Variants in ASTN2 observed in about 807,000 individuals in gnomAD.
ASTN2 encodes astrotactin-2.
Under a neutral mutation model 139.8 loss-of-function variants are expected in ASTN2, and 54 were observed. The ratio of observed to expected loss-of-function variants is 0.39; its 90% confidence interval spans 0.31 to 0.48. The LOEUF (loss-of-function observed/expected upper bound fraction) is 0.48, where lower values mean the gene tolerates loss of function less well. ASTN2 is among the 20% of genes least tolerant of loss of function. The pLI is 0.95. For synonymous variants in ASTN2, 756 were observed against 719.5 expected (o/e 1.05, Z -0.81); for missense variants, 1,565 against 1,725.1 (o/e 0.91, Z 1.64).
intron 1 of ASTN2, among the ~76,000 whole-genome samples, chr9:117,403,812 A>G (rs1447014220): frequency 6.6e-6 from 1 of 151,934 alleles, no homozygotes; most frequent in Non-Finnish European, 1.5e-5. Flanking sequence ...TTCTGTCCCA[A>G]CTGTCCTCAA....
intron 13 of ASTN2, among the ~76,000 whole-genome samples, chr9:116,797,225 A>C (rs1830722025): frequency 6.6e-6 from 1 of 152,170 alleles, no homozygotes. Context: ...AAACTAATCA[A>C]GTTGTGCACA....
intron 19 of ASTN2, among the ~76,000 whole-genome samples, chr9:116,599,716 G>A (rs1347321535): frequency 6.6e-6 from 1 of 152,156 alleles, no homozygotes; most frequent in East Asian, 1.9e-4. Flanking sequence ...GAAAAACAAG[G>A]ACAGATTTGA....
intron 2 of ASTN2, among the ~76,000 whole-genome samples, chr9:117,289,119 C>T (rs1381592137): frequency 6.6e-6 from 1 of 152,188 alleles, no homozygotes; most frequent in Non-Finnish European, 1.5e-5. Context: ...CCCCACCTCT[C>T]AGAGGAAGAA....
chr9:116,992,342 A>G (rs1836883707), intron 7 of ASTN2, among the ~76,000 whole-genome samples: 1 of 152,042 alleles, frequency 6.6e-6, no homozygotes, highest in Non-Finnish European at 1.5e-5. Flanking sequence ...CTTTTGTTAT[A>G]TGCCTCCACA....
chr9:117,388,164 C>A (rs1217610309), intron 1 of ASTN2, among the ~76,000 whole-genome samples: 1 of 152,170 alleles, frequency 6.6e-6, no homozygotes, highest in Non-Finnish European at 1.5e-5. Context: ...ATTTTGAAAA[C>A]CACTACCATT....
intron 5 of ASTN2, among the ~76,000 whole-genome samples, chr9:117,062,931 C>T (rs765103794): frequency 6.6e-6 from 1 of 152,140 alleles, no homozygotes; most frequent in South Asian, 2.1e-4. Flanking sequence ...AAGGGGCTAG[C>T]CTTGGCTCCA....
chr9:116,562,825 T>C (rs1852985811), intron 19 of ASTN2, among the ~76,000 whole-genome samples: 1 of 151,380 alleles, frequency 6.6e-6, no homozygotes. Flanking sequence ...AGGCACTGAT[T>C]AAGCTGAAGA....
At chr9:117,155,061 A>C (rs1830403282) in intron 3 of ASTN2, among the ~76,000 whole-genome samples, 1 of 151,962 alleles carries the variant, frequency 6.6e-6, no homozygotes, top group Non-Finnish European at 1.5e-5. Context: ...GGAACAGAGA[A>C]GAGATCAAAC....
chr9:116,955,161 G>T (rs1835674513), intron 10 of ASTN2, among the ~76,000 whole-genome samples: 1 of 152,154 alleles, frequency 6.6e-6, no homozygotes, highest in African/African-American at 2.4e-5. Context: ...TGAGGATCTG[G>T]GAACAAACCA....
intron 2 of ASTN2, among the ~76,000 whole-genome samples, chr9:117,223,891 T>C (rs1194087926): frequency 6.6e-6 from 1 of 152,172 alleles, no homozygotes; most frequent in African/African-American, 2.4e-5. Flanking sequence ...TTAAAATAAA[T>C]CATCTACTTA....
chr9:116,928,386 T>TAA (rs11424999), intron 10 of ASTN2, among the ~76,000 whole-genome samples: 1 of 152,044 alleles, frequency 6.6e-6, no homozygotes, highest in Non-Finnish European at 1.5e-5. Flanking sequence ...TCAGATATTC[T>TAA]AAAAAAATTC....
At chr9:116,674,394 T>G (rs969924959) in intron 16 of ASTN2, among the ~76,000 whole-genome samples, 3 of 152,236 alleles carry the variant, frequency 2.0e-5, no homozygotes, top group Non-Finnish European at 4.4e-5. Context: ...CCTGCCGGCA[T>G]TTATTCAGCA....
intron 5 of ASTN2, among the ~76,000 whole-genome samples, chr9:117,088,081 T>C (rs1055511557): frequency 1.3e-5 from 2 of 152,238 alleles, no homozygotes; most frequent in African/African-American, 2.4e-5. Context: ...TTGGTTTTTA[T>C]GTGCATAAAA....
chr9:116,943,919 G>C (rs538230570), intron 10 of ASTN2, among the ~76,000 whole-genome samples: 2 of 152,096 alleles, frequency 1.3e-5, no homozygotes, highest in African/African-American at 4.8e-5. Context: ...TAAAAATATA[G>C]AGATGAAGAA....
chr9:116,844,136 CAATAAT>C (rs1832353870), intron 11 of ASTN2, among the ~76,000 whole-genome samples: 1 of 152,094 alleles, frequency 6.6e-6, no homozygotes, highest in African/African-American at 2.4e-5. Flanking sequence ...AAAATAGACT[CAATAAT>C]AAATAACCGC....
chr9:116,840,796 C>T (rs180977396), intron 11 of ASTN2, among the ~76,000 whole-genome samples: 3,394 of 149,206 alleles, frequency 0.023, 126 homozygotes, highest in African/African-American at 0.079. Context: ...AGGGCAGAGA[C>T]GCTCCTCACT....
At chr9:117,149,851 T>C (rs548489971) in intron 3 of ASTN2, among the ~76,000 whole-genome samples, 2 of 152,336 alleles carry the variant, frequency 1.3e-5, no homozygotes, top group South Asian at 4.1e-4. Flanking sequence ...TAAAAATTGA[T>C]GGATTGAATT....
intron 11 of ASTN2, among the ~76,000 whole-genome samples, chr9:116,861,973 CTTTT>C (rs56282333): frequency 2.5e-4 from 33 of 133,626 alleles, no homozygotes; most frequent in Non-Finnish European, 3.1e-4. Flanking sequence ...TTTCCTTCTT[CTTTT>C]TTTTTTTTTT....
At chr9:117,343,689 ATT>A (rs1829127336) in intron 1 of ASTN2, among the ~76,000 whole-genome samples, 1 of 152,156 alleles carries the variant, frequency 6.6e-6, no homozygotes, top group South Asian at 2.1e-4. Context: ...TGAAAAGCAC[ATT>A]CTAACTCCAC....
Sources: allele counts gnomAD v4.1 joint callset (sites outside exome capture counted in the v4.1 genomes callset), GRCh38; gene constraint gnomAD v4.1.1; transcripts MANE v1.5; gene names NCBI Gene and HGNC (gene_info 2026-07-23, HGNC 2026-07-21).